ZNF589: variants seen among roughly 807,000 people sequenced by gnomAD.
The protein encoded by ZNF589 is zinc finger protein 589, also known as KRAB-zinc finger protein SZF1-1.
A neutral mutation model predicts 13.6 loss-of-function variants in ZNF589; 17 were observed. The ratio of observed to expected loss-of-function variants is 1.25; its 90% CI spans 0.86 to 1.88. ZNF589 has a LOEUF of 1.88. Ranked by LOEUF, ZNF589 falls within the 40% of genes most tolerant of loss-of-function variation. ZNF589 has a pLI of 0.00. For synonymous variants in ZNF589, 148 were observed against 161.6 expected (o/e 0.92, Z 0.64); for missense variants, 407 against 434.0 (o/e 0.94, Z 0.55).
At chr3:48,265,271 CTTTTTTTTTTTTTTTTT>C (rs35060812) in intron 3 of ZNF589, among the ~76,000 whole-genome samples, 5 of 47,888 alleles carry the variant, frequency 1.0e-4, no homozygotes, top group South Asian at 8.7e-4. Context: ...TGTGCCCGGC[CTTTTTTTTTTTTTTTTT>C]TTTTTTTTTT....
Position 48,266,994 on chromosome 3 carries a change from C to T in ZNF589, c.224-921C>T, listed in dbSNP as rs976175988. 1.2e-4 allele frequency among the ~76,000 whole-genome samples: 19 copies of T among 152,250 alleles called. No homozygotes were observed. In the East Asian group the frequency reaches 2.7e-3, roughly 22 times the overall value. On this transcript the variant is annotated intron_variant, in intron 3 of 3. Coordinates refer to ENST00000354698, the MANE Select transcript of ZNF589 (RefSeq NM_016089.3). ...GATTGAGATAGGAGTCACTTAGTCT[C>T]GATGTCCCCCAATGTAGAATGCAGT...
chr3:48,253,656 C>G (rs1036354883), intron 2 of ZNF589, among the ~76,000 whole-genome samples: 1 of 152,112 alleles, frequency 6.6e-6, no homozygotes, highest in East Asian at 1.9e-4. Context: ...GCTGCCACCA[C>G]GCTAGGCTAA....
intron 2 of ZNF589, among the ~76,000 whole-genome samples, chr3:48,256,008 A>G (rs2033894973): frequency 6.6e-6 from 1 of 152,140 alleles, no homozygotes; most frequent in South Asian, 2.1e-4. Flanking sequence ...ATGGTGGATT[A>G]CAATGATTGA....
At chr3:48,258,653 T>C (rs2033935222) in intron 2 of ZNF589, among the ~76,000 whole-genome samples, 1 of 152,254 alleles carries the variant, frequency 6.6e-6, no homozygotes, top group African/African-American at 2.4e-5. Flanking sequence ...TAGCAAGTGT[T>C]TACTGCATGT....
chr3:48,268,958 C>T lies in ZNF589; in HGVS notation c.*172C>T. ...ACCTCACGTGTGTGAGGAGTGTGGGCATGGATTTAGCCAGAAGTCGTCGCT... is the reference window on the plus strand; with the variant it reads ...ACCTCACGTGTGTGAGGAGTGTGGGTATGGATTTAGCCAGAAGTCGTCGCT... On this transcript the variant is annotated 3_prime_UTR_variant, in exon 4 of 4. Transcript: ENST00000354698. The T allele has an allele frequency of 2.0e-6, 2 of 1,009,856 alleles. No individual in the cohort carries two copies. Among genetic ancestry groups the T allele is most frequent in the Non-Finnish European group, 2.9e-6 (2 of 685,330 alleles). The allele number at this position is 1,009,856 out of a possible 1,614,324, so 62.6% of individuals were successfully genotyped here.
intron 1 of ZNF589, among the ~76,000 whole-genome samples, chr3:48,242,596 A>AACCGG (rs2033710952): frequency 6.6e-6 from 1 of 152,010 alleles, no homozygotes; most frequent in African/African-American, 2.4e-5. Context: ...GAGCCACTGC[A>AACCGG]CCTGGTCTTG....
chr3:48,241,221 CG>C lies in ZNF589; in HGVS notation c.43+11del. 1 of 1,611,364 alleles carries C rather than the reference CG, an allele frequency of 6.2e-7. No individual in the cohort carries two copies. Among genetic ancestry groups the C allele is most frequent in the Non-Finnish European group, 8.5e-7 (1 of 1,179,458 alleles). On this transcript the variant is annotated splice_region_variant and intron_variant, in intron 1 of 3. Transcript: ENST00000354698. ...CTGGGCTGGACTGCGGAAGGTGAGTCGGGGCCGCGAGATCGCCTCCCCCATT... is the reference window on the plus strand; with the variant it reads ...CTGGGCTGGACTGCGGAAGGTGAGTCGGGCCGCGAGATCGCCTCCCCCATT...
intron 1 of ZNF589, among the ~76,000 whole-genome samples, chr3:48,244,108 TC>T (rs1212190269): frequency 6.6e-6 from 1 of 152,100 alleles, no homozygotes; most frequent in Non-Finnish European, 1.5e-5. Flanking sequence ...GGAGGTAGGA[TC>T]CCTTAGTTCA....
At chr3:48,265,968 G>T (rs2034015350) in intron 3 of ZNF589, among the ~76,000 whole-genome samples, 1 of 152,036 alleles carries the variant, frequency 6.6e-6, no homozygotes, top group Non-Finnish European at 1.5e-5. Flanking sequence ...TGTAATGCTG[G>T]TATTATTTCA....
Position 48,270,853 on chromosome 3 carries a change from G to T in ZNF589, c.*2067G>T. ...CAAGGTTAGCCTGCTTAGGGGAAGG[G>T]CTAGGGGTACCTGGAATGTAGGATC... On this transcript the variant is annotated 3_prime_UTR_variant, in exon 4 of 4. Transcript: ENST00000354698. The T allele has an allele frequency of 6.0e-6, 1 of 166,644 alleles. No individual in the cohort carries two copies. The highest frequency in any genetic ancestry group is 1.3e-5 in the Non-Finnish European group (1 of 77,694). 10.3% of individuals were successfully genotyped at this position (166,644 alleles called of 1,614,324 possible).
rs764931442 is a variant in ZNF589 at position 48,268,271 on chromosome 3, A to C, written c.580A>C (p.Asn194His). The C allele has an allele frequency of 1.1e-5, 18 of 1,611,260 alleles. No individual in the cohort carries two copies. In the South Asian group the frequency reaches 1.8e-4, roughly 16 times the overall value. ...AGAGATACAGCTCAGTCCAGCCCAG[A>C]ATGCAAGCTCTGAGGAAGTAGACAG... is the stretch of plus-strand genomic sequence containing the variant. ...ILEIQLSPAQ[N>H]ASSEEVDRIS... is the part of the protein sequence containing the mutation. Residue 194 changes from asparagine to histidine, a missense_variant, in exon 4 of 4, where the codon AAT (asparagine) becomes CAT (histidine). Coordinates refer to ENST00000354698, the MANE Select transcript of ZNF589 (RefSeq NM_016089.3).
At chr3:48,250,306 CTTTTTTTTTTT>C (rs34016179) in intron 2 of ZNF589, among the ~76,000 whole-genome samples, 1 of 116,858 alleles carries the variant, frequency 8.6e-6, no homozygotes, top group Non-Finnish European at 1.8e-5. Flanking sequence ...TCTCTACTTT[CTTTTTTTTTTT>C]TTTTTTTTTT....
intron 3 of ZNF589, among the ~76,000 whole-genome samples, chr3:48,266,262 T>A (rs1465981934): frequency 6.6e-6 from 1 of 152,162 alleles, no homozygotes. Flanking sequence ...TTGAACTACA[T>A]CTAGGGCCAG....
intron 2 of ZNF589, among the ~76,000 whole-genome samples, chr3:48,258,522 T>C (rs1402388094): frequency 6.6e-6 from 1 of 152,242 alleles, no homozygotes; most frequent in Non-Finnish European, 1.5e-5. Context: ...TTCCTCTTCT[T>C]GCCTTGTACT....
intron 1 of ZNF589, 103 bp downstream of exon 1, chr3:48,241,317 T>G (rs1575289772): frequency 6.9e-7 from 1 of 1,441,094 alleles, no homozygotes; most frequent in African/African-American, 1.4e-5. Flanking sequence ...GGGTGCGAGC[T>G]GTGTGAGGCG....
At position 48,268,535 on chromosome 3, in the gene ZNF589, G is replaced by C. The variant is rs1416188794; in HGVS notation, c.844G>C (p.Gly282Arg). 6.3e-5 allele frequency: 102 copies of C among 1,613,940 alleles called. No individual in the cohort carries two copies. The highest frequency in any genetic ancestry group is 8.5e-5 in the Non-Finnish European group (100 of 1,180,002). ...GEKPYVCGEC[G>R]RGFIVESVLR... is the part of the protein sequence containing the mutation. ...AAAGCCTTATGTCTGCGGAGAGTGT[G>C]GGCGAGGCTTTATAGTTGAGTCAGT... Residue 282 changes from glycine to arginine, a missense_variant, in exon 4 of 4, where the codon GGG becomes CGG. Physicochemically the swap from Gly to Arg is moderately radical, Grantham distance 125. Transcript: ENST00000354698.
chr3:48,252,617 CTTTT>C (rs71625863), intron 2 of ZNF589, among the ~76,000 whole-genome samples: 1 of 97,286 alleles, frequency 1.0e-5, no homozygotes, highest in African/African-American at 3.7e-5. Flanking sequence ...AGAATAATAT[CTTTT>C]TTTTTTTTTT....
intron 2 of ZNF589, chr3:48,256,345 T>A (rs549664346): frequency 1.4e-4 from 73 of 529,324 alleles, no homozygotes; most frequent in Non-Finnish European, 2.4e-4. Context: ...CTCTTCTGTC[T>A]GTGAGTGATA....
Position 48,241,112 on chromosome 3 carries a change from TA to T in ZNF589, c.-58del, listed in dbSNP as rs1336573921. On this transcript the variant is annotated 5_prime_UTR_variant, in exon 1 of 4. Transcript: ENST00000354698. ...CGCCAGTGGCCCGCGGTGCGCATTC[TA>T]ATCCGTTTCACACACGGTGCTGCTA... 1.1e-5 allele frequency: 17 copies of T among 1,609,120 alleles called. No individual in the cohort carries two copies. Among genetic ancestry groups the T allele is most frequent in the Non-Finnish European group, 1.4e-5 (17 of 1,176,284 alleles).
Sources: allele counts gnomAD v4.1 joint callset (sites outside exome capture counted in the v4.1 genomes callset), GRCh38; gene constraint gnomAD v4.1.1; transcripts MANE v1.5; gene names NCBI Gene and HGNC (gene_info 2026-07-23, HGNC 2026-07-21).